The following SCFD2 variants were observed in gnomAD, a reference collection of about 807,000 sequenced individuals.
The protein encoded by SCFD2 is sec1 family domain containing 2, also known as sec1 family domain-containing protein 2.
Under a neutral mutation model 58.9 loss-of-function variants are expected in SCFD2, and 54 were observed. The ratio of observed to expected loss-of-function variants is 0.92; its 90% confidence interval spans 0.74 to 1.15. The LOEUF is 1.15. Among genes scored for constraint, SCFD2 ranks in the 50% most tolerant of loss-of-function variants. The pLI is 0.00. For missense variants in SCFD2, 805 were observed against 836.6 expected (o/e 0.96, Z 0.47); for synonymous variants, 321 against 335.9 (o/e 0.96, Z 0.49).
intron 4 of SCFD2, among the ~76,000 whole-genome samples, chr4:53,153,845 G>GT (rs1300755523): frequency 2.0e-5 from 3 of 152,154 alleles, no homozygotes; most frequent in Non-Finnish European, 2.9e-5. Context: ...CATCATGAGT[G>GT]TTTTGCTGCT....
intron 4 of SCFD2, among the ~76,000 whole-genome samples, chr4:53,152,889 T>A (rs769895861): frequency 1.3e-5 from 2 of 152,132 alleles, no homozygotes; most frequent in Non-Finnish European, 2.9e-5. Flanking sequence ...AGGGCAGACA[T>A]TAAACCTTAA....
chr4:52,934,997 G>A (rs1414800654), intron 5 of SCFD2, among the ~76,000 whole-genome samples: 7 of 152,182 alleles, frequency 4.6e-5, no homozygotes, highest in Non-Finnish European at 8.8e-5. Context: ...TGGCCACTGA[G>A]CACTTGAAAT....
intron 4 of SCFD2, among the ~76,000 whole-genome samples, chr4:53,191,881 A>T (rs2148958715): frequency 6.6e-6 from 1 of 152,268 alleles, no homozygotes; most frequent in Non-Finnish European, 1.5e-5. Flanking sequence ...CTGTCCCTGG[A>T]GCACTCTTTT....
At chr4:53,056,201 A>G (rs1723334800) in intron 5 of SCFD2, among the ~76,000 whole-genome samples, 1 of 151,960 alleles carries the variant, frequency 6.6e-6, no homozygotes, top group South Asian at 2.1e-4. Context: ...TAGAAAAATA[A>G]CAATGACTGC....
intron 4 of SCFD2, 53 bp downstream of exon 4, chr4:53,273,773 G>A: frequency 6.9e-7 from 1 of 1,459,018 alleles, no homozygotes; most frequent in Non-Finnish European, 9.3e-7. Flanking sequence ...GTTTTTCTCT[G>A]GAAGTCAAAA....
intron 7 of SCFD2, among the ~76,000 whole-genome samples, chr4:52,892,774 G>T (rs1010277291): frequency 2.0e-5 from 3 of 152,116 alleles, no homozygotes; most frequent in African/African-American, 7.2e-5. Context: ...ACATGATATA[G>T]CTGTGCTTTG....
chr4:53,289,077 T>C (rs949534461), intron 3 of SCFD2, among the ~76,000 whole-genome samples: 4 of 152,176 alleles, frequency 2.6e-5, no homozygotes, highest in African/African-American at 9.7e-5. Flanking sequence ...TTAAAATAAA[T>C]GGTCTGACTG....
chr4:52,937,705 AC>A (rs1449795731), intron 5 of SCFD2, among the ~76,000 whole-genome samples: 4 of 152,210 alleles, frequency 2.6e-5, no homozygotes, highest in Non-Finnish European at 5.9e-5. Flanking sequence ...TGCCAGAGTC[AC>A]CAACTGAGGG....
intron 7 of SCFD2, among the ~76,000 whole-genome samples, chr4:52,903,474 A>G (rs1719272503): frequency 6.6e-6 from 1 of 152,204 alleles, no homozygotes; most frequent in South Asian, 2.1e-4. Flanking sequence ...GTAGTTGGAA[A>G]GAGGAACCAG....
At chr4:53,142,787 C>A (rs1726209004) in intron 5 of SCFD2, among the ~76,000 whole-genome samples, 1 of 152,146 alleles carries the variant, frequency 6.6e-6, no homozygotes, top group Admixed American at 6.5e-5. Context: ...TATGTCTATA[C>A]TGGCCAAGTA....
intron 2 of SCFD2, among the ~76,000 whole-genome samples, chr4:53,343,147 T>C (rs1344477904): frequency 1.3e-5 from 2 of 151,740 alleles, no homozygotes; most frequent in South Asian, 2.1e-4. Flanking sequence ...AAAAAACCCA[T>C]CAAAAAAATC....
chr4:53,246,996 C>CAAAAAAAAAAAA, intron 4 of SCFD2, among the ~76,000 whole-genome samples: 1 of 94,880 alleles, frequency 1.1e-5, no homozygotes, highest in Non-Finnish European at 2.1e-5. Context: ...AAAAAATTTA[C>CAAAAAAAAAAAA]AAAAAAAAAA....
chr4:52,985,641 C>A (rs962989004), intron 5 of SCFD2, among the ~76,000 whole-genome samples: 1 of 121,694 alleles, frequency 8.2e-6, no homozygotes, highest in African/African-American at 2.7e-5. Flanking sequence ...TGGAAGATTG[C>A]AAAAGGCCAG....
At chr4:53,251,846 C>A (rs1482184868) in intron 4 of SCFD2, among the ~76,000 whole-genome samples, 1 of 151,454 alleles carries the variant, frequency 6.6e-6, no homozygotes, top group African/African-American at 2.4e-5. Context: ...CCCTCTCTCA[C>A]CACTCCTATT....
chr4:53,247,818 G>A lies in SCFD2; in HGVS notation c.1311+26008C>T, dbSNP rs577074359. Among the ~76,000 whole-genome samples, 27 of 119,752 alleles carry A rather than the reference G, an allele frequency of 2.3e-4. No individual in the cohort carries two copies. In the East Asian group the frequency reaches 5.2e-3, roughly 23 times the overall value. The allele number at this position is 119,752 out of a possible 152,430, so 78.6% of individuals were successfully genotyped here. A position where few individuals can be genotyped will look rare whatever the true frequency, so the allele number is the denominator to read the frequency against. ...GGAGCTTGCAGTGAGCCGAGATTGC[G>A]CCACTGCAGTCCGCAGTCCAGCCTG... On this transcript the variant is annotated intron_variant, in intron 4 of 8. Coordinates refer to ENST00000401642, the MANE Select transcript of SCFD2 (RefSeq NM_152540.4).
At chr4:53,303,286 G>A (rs1164420093) in intron 3 of SCFD2, among the ~76,000 whole-genome samples, 1 of 152,124 alleles carries the variant, frequency 6.6e-6, no homozygotes, top group Non-Finnish European at 1.5e-5. Flanking sequence ...CGAAAAGTGG[G>A]CGAAGGATAT....
intron 5 of SCFD2, among the ~76,000 whole-genome samples, chr4:52,951,795 A>G (rs76108219): frequency 0.015 from 2,291 of 152,326 alleles, 23 homozygotes; most frequent in Non-Finnish European, 0.024. Context: ...TTGAGAAAGT[A>G]TGTGAAACAC....
chr4:53,076,099 T>A (rs1403154003), intron 5 of SCFD2, among the ~76,000 whole-genome samples: 1 of 152,176 alleles, frequency 6.6e-6, no homozygotes, highest in Non-Finnish European at 1.5e-5. Flanking sequence ...CTTAATGACA[T>A]TTAATGAAAT....
At chr4:52,992,947 A>C (rs1721654679) in intron 5 of SCFD2, among the ~76,000 whole-genome samples, 1 of 152,082 alleles carries the variant, frequency 6.6e-6, no homozygotes, top group African/African-American at 2.4e-5. Context: ...GTTTTGTCGA[A>C]TAGAAAAGGG....
Sources: allele counts gnomAD v4.1 joint callset (sites outside exome capture counted in the v4.1 genomes callset), GRCh38; gene constraint gnomAD v4.1.1; transcripts MANE v1.5; gene names NCBI Gene and HGNC (gene_info 2026-07-23, HGNC 2026-07-21).